The following TSKS variants were observed in gnomAD, a reference collection of about 807,000 sequenced individuals.
The protein encoded by TSKS is testis-specific serine kinase substrate.
TSKS carries 27 observed loss-of-function variants against 68.0 expected under a neutral mutation model. The observed-to-expected ratio is 0.40, with a 90% CI of 0.29 to 0.55. The LOEUF (loss-of-function observed/expected upper bound fraction) is 0.55. TSKS is among the 20% of genes least tolerant of loss of function. The pLI is 0.53. For synonymous variants in TSKS, 331 were observed against 340.4 expected (o/e 0.97, Z 0.30); for missense variants, 806 against 776.0 (o/e 1.04, Z -0.46).
chr19:49,745,269 G>A lies in TSKS; in HGVS notation c.1120C>T (p.Arg374Cys), dbSNP rs938397628. The A allele has an allele frequency of 1.4e-5, 23 of 1,607,302 alleles. No individual in the cohort carries two copies. Among genetic ancestry groups the A allele is most frequent in the Non-Finnish European group, 1.9e-5 (23 of 1,179,538 alleles). Residue 374 changes from arginine to cysteine, a missense_variant, in exon 7 of 11, where the codon CGC (arginine) becomes TGC (cysteine). By Grantham distance (180) the Arg-to-Cys change is radical. Transcript: ENST00000246801. Reference protein sequence around the residue: ...GFLGQWERAQREQAQTARDLQ... With the variant: ...GFLGQWERAQCEQAQTARDLQ... ...TCCCGCGCCGTCTGTGCCTGTTCGC[G>A]CTGTGCCCGCTCCCACTGGCCTAGG...
At chr19:49,756,254 TCTAGAC>T (rs1490629555) in intron 2 of TSKS, among the ~76,000 whole-genome samples, 1 of 151,968 alleles carries the variant, frequency 6.6e-6, no homozygotes, top group African/African-American at 2.4e-5. Flanking sequence ...GGCCAGAAAT[TCTAGAC>T]CAGCCAGGTC....
intron 1 of TSKS, 130 bp downstream of exon 1, chr19:49,762,948 C>A: frequency 8.6e-7 from 1 of 1,168,598 alleles, no homozygotes; most frequent in Non-Finnish European, 1.2e-6. Context: ...TTCACTGCTG[C>A]CCTCTTTCCT....
Position 49,748,441 on chromosome 19 carries a change from G to A in TSKS, c.428C>T (p.Ala143Val). Residue 143 changes from alanine (A) to valine (V), a missense_variant, in exon 3 of 11, where the codon GCC (alanine) becomes GTC (valine). Physicochemically the swap from Ala to Val is moderately conservative, Grantham distance 64. Coordinates refer to ENST00000246801, the MANE Select transcript of TSKS (RefSeq NM_021733.2). ...CTTCAAGCTGGTGATGGAGTCTTTG[G>A]CGCGGACCAATCCACTGTTGACCCC... ...LSGVNSGLVR[A>V]KDSITSLKEK... 1 of 1,614,238 alleles carries A rather than the reference G, an allele frequency of 6.2e-7. No homozygotes were observed. Among genetic ancestry groups the A allele is most frequent in the Non-Finnish European group, 8.5e-7 (1 of 1,180,034 alleles).
intron 1 of TSKS, among the ~76,000 whole-genome samples, 162 bp downstream of exon 1, chr19:49,762,916 C>A (rs2084455786): frequency 6.6e-6 from 1 of 152,074 alleles, no homozygotes; most frequent in African/African-American, 2.4e-5. Context: ...TTCCTCTCTA[C>A]CTCCCTGTGA....
chr19:49,760,589 C>T (rs1197753789), intron 2 of TSKS, among the ~76,000 whole-genome samples: 2 of 150,654 alleles, frequency 1.3e-5, no homozygotes, highest in Admixed American at 6.6e-5. Flanking sequence ...CCCGCCTCGG[C>T]CTCCCAAAGT....
In TSKS at chr19:49,745,214, T is replaced by C. The variant is rs756969804; in HGVS notation, c.1175A>G (p.Glu392Gly). 6.2e-7 allele frequency: 1 copy of C among 1,600,950 alleles called. No individual in the cohort carries two copies. Among genetic ancestry groups the C allele is most frequent in the South Asian group, 1.1e-5 (1 of 90,108 alleles). The change falls in exon 7 of 11, where the codon GAG (glutamate) becomes GGG (glycine). Residue 392 changes from glutamate (E) to glycine (G), a missense_variant. Coordinates refer to ENST00000246801, the MANE Select transcript of TSKS (RefSeq NM_021733.2). ...DLQELRGRADELCTMVERSAV... is the reference protein window; with the variant it reads ...DLQELRGRADGLCTMVERSAV... ...CCCCAATCCTCACATGGTGCACAGC[T>C]CATCCGCCCGACCTCGCAGCTCCTG...
At chr19:49,740,368 G>T in intron 9 of TSKS, 185 bp from the exon 10 acceptor site, 2 of 667,290 alleles carry the variant, frequency 3.0e-6, no homozygotes, top group Non-Finnish European at 5.0e-6. Context: ...TCCAGATTCC[G>T]CTGTGGACTA....
At chr19:49,753,890 ATT>A (rs201117096) in intron 2 of TSKS, among the ~76,000 whole-genome samples, 2 of 145,158 alleles carry the variant, frequency 1.4e-5, no homozygotes, top group Admixed American at 6.9e-5. Context: ...TTTTTATTGT[ATT>A]TTTTTTTTTT....
At chr19:49,754,119 C>T (rs1463693264) in intron 2 of TSKS, among the ~76,000 whole-genome samples, 1 of 151,260 alleles carries the variant, frequency 6.6e-6, no homozygotes, top group South Asian at 2.1e-4. Flanking sequence ...CTCCTGACCT[C>T]AGGTGATCTG....
chr19:49,758,272 G>A (rs2084410034), intron 2 of TSKS, among the ~76,000 whole-genome samples: 2 of 152,184 alleles, frequency 1.3e-5, no homozygotes, highest in South Asian at 4.1e-4. Flanking sequence ...ATGCAGCTCA[G>A]GTGCTGGGTG....
At chr19:49,753,963 C>A (rs2084372913) in intron 2 of TSKS, among the ~76,000 whole-genome samples, 2 of 149,286 alleles carry the variant, frequency 1.3e-5, no homozygotes, top group African/African-American at 4.9e-5. Context: ...CGGCTCACTG[C>A]AACCTCTGCC....
At position 49,762,953 on chromosome 19, in the gene TSKS, T is replaced by C. The variant is rs1180437838; in HGVS notation, c.170+125A>G. The stretch of plus-strand genomic sequence containing the variant: ...TTGATGTCTCTTCACTGCTGCCCTC[T>C]TTCCTGCCCCCGACCTGCTGGCTTT... On this transcript the variant is annotated intron_variant, in intron 1 of 10. Transcript: ENST00000246801. 17 of 1,290,528 alleles carry C rather than the reference T, an allele frequency of 1.3e-5. No individual in the cohort carries two copies. In the Admixed American group the frequency reaches 1.7e-4, roughly 13 times the overall value. The allele number at this position is 1,290,528 out of a possible 1,614,324, so 79.9% of individuals were successfully genotyped here. A position where few individuals can be genotyped will look rare whatever the true frequency, so the allele number is the denominator to read the frequency against.
At chr19:49,748,282 G>A in intron 3 of TSKS, 92 bp downstream of exon 3, 1 of 1,556,570 alleles carries the variant, frequency 6.4e-7, no homozygotes, top group Non-Finnish European at 8.8e-7. Flanking sequence ...CTCCCCAACT[G>A]AGCTATGGGT....
chr19:49,745,264 T>TTCGCGCTGTGCCCGC lies in TSKS; in HGVS notation c.1110_1124dup (p.Arg371_Glu375dup), dbSNP rs1271231475. On this transcript the variant is annotated inframe_insertion, in exon 7 of 11. Transcript: ENST00000246801. ...GCAAGTCCCGCGCCGTCTGTGCCTG[T>TTCGCGCTGTGCCCGC]TCGCGCTGTGCCCGCTCCCACTGGC... 2 of 1,608,190 alleles carry TTCGCGCTGTGCCCGC rather than the reference T, an allele frequency of 1.2e-6. No homozygotes were observed.
chr19:49,760,407 G>A (rs1478289789), intron 2 of TSKS, among the ~76,000 whole-genome samples: 1 of 150,834 alleles, frequency 6.6e-6, no homozygotes, highest in African/African-American at 2.4e-5. Context: ...TGCAACCTCC[G>A]CCTCCCGGGT....
At chr19:49,747,212 G>A in intron 5 of TSKS, 177 bp downstream of exon 5, 1 of 1,538,012 alleles carries the variant, frequency 6.5e-7, no homozygotes, top group Non-Finnish European at 8.7e-7. Context: ...TCCCCCATCT[G>A]GGTGTTGGAG....
intron 2 of TSKS, among the ~76,000 whole-genome samples, chr19:49,754,772 G>A (rs1410224467): frequency 6.6e-6 from 1 of 152,068 alleles, no homozygotes; most frequent in African/African-American, 2.4e-5. Context: ...TCACTAAAGA[G>A]ACAAACATTA....
At chr19:49,761,812 A>G (rs968448903) in intron 2 of TSKS, among the ~76,000 whole-genome samples, 192 bp downstream of exon 2, 2 of 152,272 alleles carry the variant, frequency 1.3e-5, no homozygotes, top group Admixed American at 6.5e-5. Flanking sequence ...AAGAAAAAAA[A>G]AAGACCAACT....
intron 2 of TSKS, among the ~76,000 whole-genome samples, chr19:49,758,676 T>A (rs1326213173): frequency 6.6e-6 from 1 of 152,058 alleles, no homozygotes; most frequent in Non-Finnish European, 1.5e-5. Flanking sequence ...GGCTCCCCTC[T>A]GGCCTCCCTG....
Sources: gnomAD v4.1 joint callset for allele counts (sites outside exome capture counted in the v4.1 genomes callset) on GRCh38, gnomAD v4.1.1 for gene constraint, MANE v1.5 for transcripts, NCBI Gene and HGNC (gene_info 2026-07-23, HGNC 2026-07-21) for gene names.